The following MYOF variants were observed in gnomAD, a reference collection of about 807,000 sequenced individuals.
MYOF encodes the protein myoferlin.
A neutral mutation model predicts 284.2 loss-of-function variants in MYOF; 244 were observed. That is an observed-to-expected ratio of 0.86 (90% CI 0.77 to 0.95). The LOEUF (loss-of-function observed/expected upper bound fraction) is 0.95, where lower values mean the gene tolerates loss of function less well. Among genes scored for constraint, MYOF ranks in the 40% least tolerant of loss-of-function variants. The probability of loss-of-function intolerance (pLI) is 0.00; values close to 1 mark genes in which losing one functional copy is unlikely to be tolerated. For synonymous variants in MYOF, 904 were observed against 919.7 expected (o/e 0.98, Z 0.31); for missense variants, 2,496 against 2,560.6 (o/e 0.97, Z 0.54).
At chr10:93,428,373 GTT>G (rs34417274) in intron 4 of MYOF, among the ~76,000 whole-genome samples, 21 of 145,484 alleles carry the variant, frequency 1.4e-4, no homozygotes, top group South Asian at 8.9e-4. Flanking sequence ...GCTAATTTTT[GTT>G]TTTTTTTTTT....
intron 1 of MYOF, among the ~76,000 whole-genome samples, chr10:93,468,325 C>T (rs751397435): frequency 6.6e-6 from 1 of 152,168 alleles, no homozygotes; most frequent in African/African-American, 2.4e-5. Flanking sequence ...TCTTAAGTCC[C>T]GAGTGTCCTC....
chr10:93,470,559 G>A (rs944624899), intron 1 of MYOF, among the ~76,000 whole-genome samples: 2 of 152,016 alleles, frequency 1.3e-5, no homozygotes, highest in Non-Finnish European at 2.9e-5. Context: ...CCAACACCAT[G>A]CCTGGCTAAT....
chr10:93,424,929 ATTTT>A (rs11376911), intron 5 of MYOF, among the ~76,000 whole-genome samples: 103 of 77,756 alleles, frequency 1.3e-3, no homozygotes, highest in African/African-American at 4.6e-3. Context: ...GGAGAATTCC[ATTTT>A]TTTTTTTTTT....
At chr10:93,330,788 G>T (rs961847950) in intron 43 of MYOF, among the ~76,000 whole-genome samples, 2 of 152,164 alleles carry the variant, frequency 1.3e-5, no homozygotes, top group African/African-American at 4.8e-5. Context: ...CCTTCTCCTT[G>T]CACTCTGGTG....
At position 93,343,948 on chromosome 10, in the gene MYOF, T is replaced by C. The variant is rs908007518; in HGVS notation, c.4250-16A>G. 1 of 1,614,008 alleles carries C rather than the reference T, an allele frequency of 6.2e-7. No individual in the cohort carries two copies. The highest frequency in any genetic ancestry group is 8.5e-7 in the Non-Finnish European group (1 of 1,179,876). Reference sequence around the variant, plus strand: ...AGAAGGGAGGCTGCAAGACAAATACTTTCTTAATCTAAGATACTTAGAGAA... The same window carrying C: ...AGAAGGGAGGCTGCAAGACAAATACCTTCTTAATCTAAGATACTTAGAGAA... On this transcript the variant is annotated splice_polypyrimidine_tract_variant and intron_variant, in intron 37 of 53. Transcript: ENST00000359263.
chr10:93,435,142 C>G (rs1849061933), intron 3 of MYOF, among the ~76,000 whole-genome samples: 1 of 152,154 alleles, frequency 6.6e-6, no homozygotes, highest in South Asian at 2.1e-4. Context: ...AATTCATAGC[C>G]TAACCCTAGG....
intron 52 of MYOF, 91 bp downstream of exon 52, chr10:93,310,443 C>T (rs1044796323): frequency 7.6e-7 from 1 of 1,324,016 alleles, no homozygotes; most frequent in African/African-American, 1.5e-5. Flanking sequence ...AGGAGGACCA[C>T]AAAAGCTAAT....
At chr10:93,394,424 T>C (rs575031401) in intron 16 of MYOF, among the ~76,000 whole-genome samples, 1 of 146,316 alleles carries the variant, frequency 6.8e-6, no homozygotes, top group Admixed American at 6.9e-5. Flanking sequence ...AATTGTACTA[T>C]ATCTCCTTTG....
rs751310899 is a variant in MYOF, at chr10:93,402,870, A to G, written c.864T>C (p.Tyr288=). The G allele has an allele frequency of 7.4e-6, 12 of 1,611,842 alleles. No individual in the cohort carries two copies. Among genetic ancestry groups the G allele is most frequent in the Middle Eastern group, 3.3e-4 (2 of 6,072 alleles). ...GEFKIDVGFV[Y]DEPGHAVMRK... The stretch of plus-strand genomic sequence containing the variant: ...GAGAACATTACTTACCAGGTTCATC[A>G]TAAACAAATCCAACATCAATCTGGG... Residue 288 remains tyrosine (Y), a synonymous_variant, in exon 10 of 54, where the codon TAT becomes TAC. Coordinates refer to ENST00000359263, the MANE Select transcript of MYOF (RefSeq NM_013451.4).
Position 93,440,497 on chromosome 10 carries a change from C to A in MYOF, c.237-8981G>T, listed in dbSNP as rs368517403. ...CAGACCTCACCCTGCTGTTTTCTCT[C>A]CTTTACCTTCCTTTATTTTCTTCGT... On this transcript the variant is annotated intron_variant, in intron 3 of 53. Coordinates refer to ENST00000359263, the MANE Select transcript of MYOF (RefSeq NM_013451.4). Among the ~76,000 whole-genome samples the A allele has an allele frequency of 1.6e-4, 25 of 152,290 alleles. No homozygotes were observed. The East Asian group carries it at 4.4e-3, about 27-fold the overall frequency.
chr10:93,355,204 C>T (rs787628), intron 31 of MYOF, among the ~76,000 whole-genome samples: 58,778 of 152,062 alleles, frequency 0.39, 11,772 homozygotes, highest in Non-Finnish European at 0.42. Flanking sequence ...ATGAAAGTCA[C>T]GTTTGCATGA....
chr10:93,394,478 T>TTTTTTTTTTG (rs1846881006), intron 16 of MYOF, among the ~76,000 whole-genome samples: 1 of 120,622 alleles, frequency 8.3e-6, no homozygotes, highest in Non-Finnish European at 1.7e-5. Context: ...TTTTTTTTTT[T>TTTTTTTTTTG]GAGACAGAGT....
intron 5 of MYOF, among the ~76,000 whole-genome samples, chr10:93,422,791 A>G (rs1296255892): frequency 6.6e-6 from 1 of 152,068 alleles, no homozygotes; most frequent in East Asian, 1.9e-4. Context: ...GCAATATTCC[A>G]TCTCAAAAAA....
chr10:93,313,261 G>C, intron 50 of MYOF, 51 bp from the exon 51 acceptor site: 1 of 1,547,864 alleles, frequency 6.5e-7, no homozygotes, highest in Non-Finnish European at 8.8e-7. Flanking sequence ...TGGATCAGCT[G>C]TTGTTCACAA....
intron 53 of MYOF, among the ~76,000 whole-genome samples, chr10:93,309,467 C>T (rs1236537255): frequency 6.6e-6 from 1 of 152,076 alleles, no homozygotes; most frequent in Non-Finnish European, 1.5e-5. Flanking sequence ...TTATACGTGA[C>T]ATGAGCCTTA....
In MYOF at chr10:93,333,774, T is replaced by C. The variant is rs753293320; in HGVS notation, c.4703A>G (p.Gln1568Arg). The C allele has an allele frequency of 5.0e-6, 8 of 1,614,168 alleles. No individual in the cohort carries two copies. Among genetic ancestry groups the C allele is most frequent in the Non-Finnish European group, 6.8e-6 (8 of 1,180,006 alleles). ...YIVRGLELQP[Q>R]DNNGLCDPYI... ...AACTCTTACCAGGCCATTGTTGTCC[T>C]GGGGCTGGAGCTCTAAGCCTCGAAC... The change falls in exon 42 of 54, where the codon CAG (glutamine) becomes CGG (arginine). Residue 1568 changes from glutamine to arginine, a missense_variant. By Grantham distance (43) the Gln-to-Arg change is conservative. Transcript: ENST00000359263.
intron 45 of MYOF, 116 bp downstream of exon 45, chr10:93,328,647 C>G: frequency 9.4e-7 from 1 of 1,060,430 alleles, no homozygotes; most frequent in Non-Finnish European, 1.3e-6. Context: ...GTCACGTGCA[C>G]AGTCTCATGT....
At chr10:93,313,764 G>A (rs533793159) in intron 50 of MYOF, among the ~76,000 whole-genome samples, 15 of 152,140 alleles carry the variant, frequency 9.9e-5, no homozygotes, top group Non-Finnish European at 1.9e-4. Context: ...AGCCGGGCAC[G>A]ATGGCACACA....
intron 1 of MYOF, among the ~76,000 whole-genome samples, chr10:93,469,806 C>G (rs913370090): frequency 1.3e-5 from 2 of 152,228 alleles, no homozygotes; most frequent in Non-Finnish European, 2.9e-5. Context: ...CATTAGTGTT[C>G]CAGCTCCACC....
Sources: gnomAD v4.1 joint callset for allele counts (sites outside exome capture counted in the v4.1 genomes callset) on GRCh38, gnomAD v4.1.1 for gene constraint, MANE v1.5 for transcripts, NCBI Gene and HGNC (gene_info 2026-07-23, HGNC 2026-07-21) for gene names.